The following NOC3L variants were observed in gnomAD, a reference collection of about 807,000 sequenced individuals.
NOC3L encodes the protein NOC3 like DNA replication regulator.
A neutral mutation model predicts 102.5 loss-of-function variants in NOC3L; 85 were observed. That is an observed-to-expected ratio of 0.83 (90% confidence interval 0.70 to 0.99). NOC3L has a LOEUF of 0.99. Among genes scored for constraint, NOC3L ranks in the 50% least tolerant of loss-of-function variants. The pLI is 0.00. For synonymous variants in NOC3L, 303 were observed against 309.4 expected (o/e 0.98, Z 0.22); for missense variants, 878 against 914.9 (o/e 0.96, Z 0.52).
intron 12 of NOC3L, 124 bp downstream of exon 12, chr10:94,344,729 A>G (rs2054323771): frequency 1.3e-6 from 1 of 765,886 alleles, no homozygotes. Flanking sequence ...GCACATCACA[A>G]AAGTCACACA....
At chr10:94,324,477 G>A in the NOC3L span, 5 of 1,614,050 alleles carry the variant, frequency 3.1e-6, no homozygotes, top group Non-Finnish European at 4.2e-6. Flanking sequence ...CCTCTCAGCG[G>A]GTCCTTCTGG....
downstream of NOC3L, chr10:94,328,759 C>T (rs2054119461): frequency 6.6e-6 from 1 of 152,040 alleles, no homozygotes; most frequent in Non-Finnish European, 1.5e-5. Flanking sequence ...GATTTTTTTA[C>T]ATATAGAAAT....
In NOC3L at chr10:94,346,475, A is replaced by T. The variant is rs1564912957; in HGVS notation, c.1339T>A (p.Phe447Ile). 3 of 1,512,968 alleles carry T rather than the reference A, an allele frequency of 2.0e-6. No homozygotes were observed. The highest frequency in any genetic ancestry group is 2.7e-6 in the Non-Finnish European group (3 of 1,126,420). 93.7% of individuals were successfully genotyped at this position (1,512,968 alleles called of 1,614,324 possible). The change falls in exon 11 of 21, where the codon TTT becomes ATT. Residue 447 changes from phenylalanine (F) to isoleucine (I), a missense_variant. Physicochemically the swap from Phe to Ile is conservative, Grantham distance 21. Coordinates refer to ENST00000371361, the MANE Select transcript of NOC3L (RefSeq NM_022451.11). ...TTTCTCTTTTCTTTGAAAGTCATAA[A>T]TTTTTTTGGTTTATTAATGTCTTCT... Reference protein sequence around the residue: ...DTEDINKPKKFMTFKEKRKSL... With the variant: ...DTEDINKPKKIMTFKEKRKSL...
chr10:94,347,699 A>G (rs1264519321), intron 10 of NOC3L, among the ~76,000 whole-genome samples: 1 of 152,190 alleles, frequency 6.6e-6, no homozygotes, highest in Non-Finnish European at 1.5e-5. Context: ...GACAAATTAA[A>G]ATATCTAAGA....
At chr10:94,353,893 T>C (rs528406494) in intron 6 of NOC3L, among the ~76,000 whole-genome samples, 3 of 152,356 alleles carry the variant, frequency 2.0e-5, no homozygotes, top group African/African-American at 7.2e-5. Flanking sequence ...GCTTCAAAGA[T>C]AATTTCTATG....
chr10:94,333,399 G>A lies in NOC3L; in HGVS notation c.*778C>T, dbSNP rs1176531893. The stretch of plus-strand genomic sequence containing the variant: ...AGAAAAAGCATTTTACCTGTTCCAA[G>A]AGGGGAAAAAAGCTCCTCATTGAGT... On this transcript the variant is annotated 3_prime_UTR_variant, in exon 21 of 21. Coordinates refer to ENST00000371361, the MANE Select transcript of NOC3L (RefSeq NM_022451.11). The A allele has an allele frequency of 6.6e-6, 1 of 152,114 alleles. No homozygotes were observed. The highest frequency in any genetic ancestry group is 1.5e-5 in the Non-Finnish European group (1 of 67,998). 9.4% of individuals were successfully genotyped at this position (152,114 alleles called of 1,614,324 possible).
Position 94,340,508 on chromosome 10 carries a change from AAAGGGGGGGGTG to A in NOC3L, c.1645-24_1645-13del. On this transcript the variant is annotated splice_polypyrimidine_tract_variant and intron_variant, in intron 14 of 20. Coordinates refer to ENST00000371361, the MANE Select transcript of NOC3L (RefSeq NM_022451.11). ...TGATAGCTTAGGTCCTTTAAAAAAA[AAAGGGGGGGGTG>A]AGGGGGATGGAATATTAAGAATGGT... The A allele has an allele frequency of 2.7e-6, 3 of 1,115,360 alleles. No homozygotes were observed. The highest frequency in any genetic ancestry group is 3.9e-6 in the Non-Finnish European group (3 of 777,490). 69.1% of individuals were successfully genotyped at this position (1,115,360 alleles called of 1,614,324 possible).
chr10:94,349,330 T>C lies in NOC3L; in HGVS notation c.1177A>G (p.Lys393Glu). 2 of 1,586,406 alleles carry C rather than the reference T, an allele frequency of 1.3e-6. No homozygotes were observed. The highest frequency in any genetic ancestry group is 1.7e-6 in the Non-Finnish European group (2 of 1,172,886). The change falls in exon 10 of 21, where the codon AAA becomes GAA. Residue 393 changes from lysine to glutamate, a missense_variant. Transcript: ENST00000371361. ...EAVKKLFKQD[K>E]LGQASLGVIK... ...ACACCAAGAGAAGCTTGGCCTAATT[T>C]ATCTTGCTTAAAGAGTTTCTTCACA...
At chr10:94,315,808 T>C in the NOC3L span, among the ~76,000 whole-genome samples, 14 of 151,462 alleles carry the variant, frequency 9.2e-5, no homozygotes, top group African/African-American at 2.9e-4. Flanking sequence ...TAATGGCTCA[T>C]CTTTATTGAG....
the NOC3L span, among the ~76,000 whole-genome samples, chr10:94,315,776 A>T: frequency 2.4e-5 from 2 of 82,776 alleles, no homozygotes; most frequent in African/African-American, 5.1e-5. Context: ...TCTCAAAAAA[A>T]AAAAAAAAAA....
the NOC3L span, among the ~76,000 whole-genome samples, chr10:94,319,575 T>C: frequency 6.6e-6 from 1 of 152,140 alleles, no homozygotes; most frequent in African/African-American, 2.4e-5. Context: ...CCTCTTCTGT[T>C]ACTGGATTTG....
chr10:94,356,631 T>G, intron 4 of NOC3L, 40 bp from the exon 5 acceptor site: 1 of 1,194,910 alleles, frequency 8.4e-7, no homozygotes, highest in Non-Finnish European at 1.2e-6. Context: ...TGATATATAC[T>G]TAAGTGGTAA....
At chr10:94,358,401 A>T (rs915305381) in intron 2 of NOC3L, among the ~76,000 whole-genome samples, 186 bp from the exon 3 acceptor site, 3 of 152,226 alleles carry the variant, frequency 2.0e-5, no homozygotes, top group African/African-American at 7.2e-5. Flanking sequence ...CAGTGCTTCT[A>T]AATGGAAGAA....
intron 19 of NOC3L, among the ~76,000 whole-genome samples, chr10:94,336,591 A>ACC (rs1448116374): frequency 1.3e-4 from 19 of 151,272 alleles, no homozygotes; most frequent in Admixed American, 1.2e-3. Flanking sequence ...CAGGTGATCC[A>ACC]CCCGCATCGG....
At position 94,352,972 on chromosome 10, in the gene NOC3L, G is replaced by A. The variant is rs1257996266; in HGVS notation, c.782C>T (p.Ser261Phe). 6.2e-7 allele frequency: 1 copy of A among 1,613,656 alleles called. No homozygotes were observed. The highest frequency in any genetic ancestry group is 1.3e-5 in the African/African-American group (1 of 74,920). Reference protein sequence around the residue: ...AVTVRKLVIVSLMELFKDITP... With the variant: ...AVTVRKLVIVFLMELFKDITP... ...AATATCTTTAAATAACTCCATCAGA[G>A]AAACAATTACCAGCTTTCGAACAGT... The change falls in exon 7 of 21, where the codon TCT (serine) becomes TTT (phenylalanine). Residue 261 changes from serine to phenylalanine, a missense_variant. Physicochemically the swap from Ser to Phe is radical, Grantham distance 155. Coordinates refer to ENST00000371361, the MANE Select transcript of NOC3L (RefSeq NM_022451.11).
chr10:94,341,073 A>G (rs2054279172), intron 14 of NOC3L, among the ~76,000 whole-genome samples: 1 of 151,926 alleles, frequency 6.6e-6, no homozygotes, highest in Admixed American at 6.6e-5. Flanking sequence ...TCAAAAGGCT[A>G]AAGTGGGAGG....
chr10:94,340,618 T>C (rs974973076), intron 14 of NOC3L, 122 bp from the exon 15 acceptor site: 4 of 790,222 alleles, frequency 5.1e-6, no homozygotes, highest in Non-Finnish European at 8.1e-6. Flanking sequence ...TCCCAGCAAT[T>C]TGGGAGGCTG....
Position 94,350,098 on chromosome 10 carries a change from T to C in NOC3L, c.1128+15A>G. 6.2e-7 allele frequency: 1 copy of C among 1,612,788 alleles called. No homozygotes were observed. Among genetic ancestry groups the C allele is most frequent in the Non-Finnish European group, 8.5e-7 (1 of 1,179,096 alleles). ...TTTCTAAGGAGGACAGCAATAACCA[T>C]TTACAGCAACTCACCAATTTTGACA... On this transcript the variant is annotated intron_variant, in intron 9 of 20. Coordinates refer to ENST00000371361, the MANE Select transcript of NOC3L (RefSeq NM_022451.11).
At chr10:94,345,892 G>GGC (rs2054336975) in intron 11 of NOC3L, among the ~76,000 whole-genome samples, 1 of 152,112 alleles carries the variant, frequency 6.6e-6, no homozygotes, top group African/African-American at 2.4e-5. Context: ...AGCCTGCCAA[G>GGC]TGTTTTATAT....
Sources: allele counts gnomAD v4.1 joint callset (sites outside exome capture counted in the v4.1 genomes callset), GRCh38; gene constraint gnomAD v4.1.1; transcripts MANE v1.5; gene names NCBI Gene and HGNC (gene_info 2026-07-23, HGNC 2026-07-21).